The following ZKSCAN7 variants were observed in gnomAD, a reference collection of about 807,000 sequenced individuals.
ZKSCAN7 encodes zinc finger with KRAB and SCAN domains 7.
A neutral mutation model predicts 65.3 loss-of-function variants in ZKSCAN7; 38 were observed. The ratio of observed to expected loss-of-function variants is 0.58; its 90% CI spans 0.45 to 0.76. The LOEUF (loss-of-function observed/expected upper bound fraction) is 0.76, where lower values mean the gene tolerates loss of function less well. Among genes scored for constraint, ZKSCAN7 ranks in the 30% least tolerant of loss-of-function variants. The pLI is 0.00. For synonymous variants in ZKSCAN7, 321 were observed against 321.0 expected (o/e 1.00, Z 0.00); for missense variants, 815 against 913.3 (o/e 0.89, Z 1.39).
intron 5 of ZKSCAN7, among the ~76,000 whole-genome samples, chr3:44,579,639 T>C (rs1000373011): frequency 3.3e-5 from 5 of 152,162 alleles, no homozygotes; most frequent in South Asian, 2.1e-4. Context: ...CCAGATGTCA[T>C]GGCCGACGGG....
chr3:44,579,370 C>T (rs1350922708), intron 5 of ZKSCAN7, among the ~76,000 whole-genome samples: 1 of 152,208 alleles, frequency 6.6e-6, no homozygotes, highest in African/African-American at 2.4e-5. Flanking sequence ...GCTCCTGATT[C>T]AGGGCCTGCT....
chr3:44,565,610 C>T lies in ZKSCAN7; in HGVS notation c.547C>T (p.Pro183Ser). The change falls in exon 3 of 6, where the codon CCT becomes TCT. Residue 183 changes from proline (P) to serine (S), a missense_variant. Around this residue, in one of 3 missense-constraint regions of ZKSCAN7, gnomAD observed 227 missense variants for 253.3 expected, o/e 0.90. Transcript: ENST00000426540. ...GGSAPGAHLEPPYDPGTHHLP... is the reference protein window; with the variant it reads ...GGSAPGAHLESPYDPGTHHLP... ...CTCAGCCCCTGGAGCCCACCTGGAG[C>T]CTCCTTATGACCCAGGGACACACCA... 6 of 1,612,210 alleles carry T rather than the reference C, an allele frequency of 3.7e-6. No homozygotes were observed. The highest frequency in any genetic ancestry group is 5.1e-6 in the Non-Finnish European group (6 of 1,179,328).
intron 5 of ZKSCAN7, chr3:44,580,931 A>G: frequency 6.2e-7 from 1 of 1,612,848 alleles, no homozygotes; most frequent in Non-Finnish European, 8.5e-7. Flanking sequence ...CGTTGAGGAG[A>G]TGCGACTCGC....
chr3:44,563,336 A>C (rs962192475), intron 2 of ZKSCAN7, among the ~76,000 whole-genome samples: 1 of 152,188 alleles, frequency 6.6e-6, no homozygotes, highest in Admixed American at 6.5e-5. Flanking sequence ...TCTTTATAGC[A>C]GTGCCCCACT....
chr3:44,567,260 T>TGAAGGAAGG (rs1048603229), intron 3 of ZKSCAN7, among the ~76,000 whole-genome samples: 1 of 141,088 alleles, frequency 7.1e-6, no homozygotes, highest in African/African-American at 2.6e-5. Context: ...AAGGGAAGAG[T>TGAAGGAAGG]GAAGGAAGGG....
At position 44,557,187 on chromosome 3, in the gene ZKSCAN7, C is replaced by G. The variant is rs759492892; in HGVS notation, c.140C>G (p.Pro47Arg). Residue 47 changes from proline (P) to arginine (R), a missense_variant, in exon 2 of 6, where the codon CCT (proline) becomes CGT (arginine). By Grantham distance (103) the Pro-to-Arg change is moderately radical. This residue lies in a region of ZKSCAN7 where 227 missense variants were observed against 253.3 expected (regional missense o/e 0.90). Coordinates refer to ENST00000426540, the MANE Select transcript of ZKSCAN7 (RefSeq NM_001288590.2). ...GQGSSLQKNY[P>R]PVCEIFRLHF... is the part of the protein sequence containing the mutation. ...GGCAGCAGTCTCCAGAAGAACTATC[C>G]TCCTGTCTGCGAAATCTTCCGGCTA... 5 of 1,614,240 alleles carry G rather than the reference C, an allele frequency of 3.1e-6. No individual in the cohort carries two copies. Among genetic ancestry groups the G allele is most frequent in the Non-Finnish European group, 4.2e-6 (5 of 1,180,032 alleles).
intron 1 of ZKSCAN7, 71 bp from the exon 2 acceptor site, chr3:44,556,859 C>T (rs1017920460): frequency 1.3e-6 from 1 of 756,908 alleles, no homozygotes. Context: ...TGTTTTTTAA[C>T]TCAGTGGAGG....
intron 5 of ZKSCAN7, among the ~76,000 whole-genome samples, chr3:44,582,283 C>G (rs1348781958): frequency 6.6e-6 from 1 of 152,210 alleles, no homozygotes; most frequent in Non-Finnish European, 1.5e-5. Flanking sequence ...GAGATGCAGA[C>G]TCCCTTTTAA....
At chr3:44,575,584 T>C (rs1417601897), downstream of ZKSCAN7, among the ~76,000 whole-genome samples, 5 of 152,180 alleles carry the variant, frequency 3.3e-5, no homozygotes, top group Non-Finnish European at 2.9e-5. Flanking sequence ...TCTATTTTAT[T>C]TATTTATTTA....
intron 5 of ZKSCAN7, chr3:44,580,111 C>A: frequency 2.5e-6 from 4 of 1,609,770 alleles, no homozygotes; most frequent in Non-Finnish European, 3.4e-6. Flanking sequence ...ATGTCCAAGG[C>A]CTCAAACTTT....
chr3:44,557,865 T>C (rs1272457437), intron 2 of ZKSCAN7, among the ~76,000 whole-genome samples: 4 of 152,238 alleles, frequency 2.6e-5, no homozygotes, highest in Non-Finnish European at 2.9e-5. Flanking sequence ...GTCAATTTTC[T>C]CTTTTTCTGC....
chr3:44,562,778 C>G (rs530691328), intron 2 of ZKSCAN7, among the ~76,000 whole-genome samples: 1 of 151,910 alleles, frequency 6.6e-6, no homozygotes, highest in Non-Finnish European at 1.5e-5. Flanking sequence ...GTCAGGAGAT[C>G]GAGACCACGG....
downstream of ZKSCAN7, among the ~76,000 whole-genome samples, chr3:44,572,849 C>CAAAAAAAAAAAAAA (rs11339297): frequency 1.0e-3 from 76 of 72,390 alleles, 1 homozygote; most frequent in Non-Finnish European, 1.5e-3. Context: ...GACTCTGTCT[C>CAAAAAAAAAAAAAA]AAAAAAAAAA....
intron 3 of ZKSCAN7, among the ~76,000 whole-genome samples, chr3:44,566,796 C>T (rs1221874008): frequency 7.0e-6 from 1 of 143,862 alleles, no homozygotes; most frequent in African/African-American, 2.5e-5. Context: ...ATGACCAGCT[C>T]TTTTTTTTTT....
intron 2 of ZKSCAN7, among the ~76,000 whole-genome samples, chr3:44,561,307 A>G (rs1388059364): frequency 6.6e-6 from 1 of 152,122 alleles, no homozygotes; most frequent in Non-Finnish European, 1.5e-5. Flanking sequence ...TTAAATGATC[A>G]GATCTCATGA....
Position 44,571,210 on chromosome 3 carries a change from T to C in ZKSCAN7, c.2100T>C (p.Phe700=), listed in dbSNP as rs747101768. ...AATGCAATGATTGTGGGAAAGCTTTTAGTGACAGCTCACAGCTTATTGTAC... is the reference window on the plus strand; with the variant it reads ...AATGCAATGATTGTGGGAAAGCTTTCAGTGACAGCTCACAGCTTATTGTAC... ...PYKCNDCGKA[F]SDSSQLIVHQ... The change falls in exon 6 of 6, where the codon TTT becomes TTC. Residue 700 remains phenylalanine (F), a synonymous_variant. Transcript: ENST00000426540. 6 of 1,613,922 alleles carry C rather than the reference T, an allele frequency of 3.7e-6. No individual in the cohort carries two copies. In the Admixed American group the frequency reaches 5.0e-5, roughly 13 times the overall value.
At position 44,578,084 on chromosome 3, in the gene ZKSCAN7, G is replaced by A. The variant is rs571926395; in HGVS notation, c.812-4888G>A. On this transcript the variant is annotated intron_variant, in intron 5 of 5. Coordinates refer to the ZKSCAN7 transcript ENST00000341840. ...TTTTAGATTTCATTATATCATATCC[G>A]GACACCATGGCACTGTCAGGGGACT... 4.9e-5 allele frequency: 77 copies of A among 1,581,292 alleles called. No homozygotes were observed. In the South Asian group the frequency reaches 6.2e-4, roughly 13 times the overall value.
intron 2 of ZKSCAN7, among the ~76,000 whole-genome samples, chr3:44,561,670 A>G (rs1391777752): frequency 6.6e-6 from 1 of 152,180 alleles, no homozygotes; most frequent in Non-Finnish European, 1.5e-5. Flanking sequence ...TCCCATTCCA[A>G]ATGGGAGAAA....
Position 44,557,081 on chromosome 3 carries a change from A to T in ZKSCAN7, c.34A>T (p.Ile12Phe). 1.2e-6 allele frequency: 2 copies of T among 1,614,246 alleles called. No individual in the cohort carries two copies. Among genetic ancestry groups the T allele is most frequent in the Non-Finnish European group, 1.7e-6 (2 of 1,180,044 alleles). The change falls in exon 2 of 6, where the codon ATC (isoleucine) becomes TTC (phenylalanine). Residue 12 changes from isoleucine to phenylalanine, a missense_variant. Physicochemically the swap from Ile to Phe is conservative, Grantham distance 21. Coordinates refer to ENST00000426540, the MANE Select transcript of ZKSCAN7 (RefSeq NM_001288590.2). ...TGCAGGCAGGGGAAATTTAGGCCTC[A>T]TCCCCAGGAGCACTGCTTTCCAGAA... Reference protein sequence around the residue: ...TTAGRGNLGLIPRSTAFQKQE... With the variant: ...TTAGRGNLGLFPRSTAFQKQE...
Sources: gnomAD v4.1 joint callset for allele counts (sites outside exome capture counted in the v4.1 genomes callset) on GRCh38, gnomAD v4.1.1 for gene constraint, gnomAD v4.1.1 regional missense constraint, MANE v1.5 for transcripts, NCBI Gene and HGNC (gene_info 2026-07-23, HGNC 2026-07-21) for gene names.